Variants in GCNT1 observed in about 807,000 individuals in gnomAD.
GCNT1 encodes the protein glucosaminyl (N-acetyl) transferase 1, also known as beta-1,3-galactosyl-O-glycosyl-glycoprotein beta-1,6-N-acetylglucosaminyltransferase.
A neutral mutation model predicts 26.2 loss-of-function variants in GCNT1; 16 were observed. The observed-to-expected ratio is 0.61, with a 90% CI of 0.41 to 0.93. The LOEUF is 0.93. Among genes scored for constraint, GCNT1 ranks in the 40% least tolerant of loss-of-function variants. The probability of loss-of-function intolerance (pLI) is 0.00; values close to 1 mark genes in which losing one functional copy is unlikely to be tolerated. For synonymous variants in GCNT1, 183 were observed against 190.8 expected, an observed-to-expected ratio of 0.96 and a Z score of 0.34; for missense variants, 477 against 526.7, an observed-to-expected ratio of 0.91 and a Z score of 0.92.
chr9:76,431,424 C>G (rs989173925), intron 1 of GCNT1, among the ~76,000 whole-genome samples: 2 of 152,178 alleles, frequency 1.3e-5, no homozygotes, highest in Non-Finnish European at 2.9e-5. Flanking sequence ...AAGTGCTACA[C>G]TTATGATTAT....
the GCNT1 span, chr9:76,399,327 T>C: frequency 3.1e-5 from 45 of 1,467,886 alleles, no homozygotes; most frequent in Admixed American, 8.4e-5. Context: ...CCTGAAGATA[T>C]TGAAAAAGAA....
intron 2 of GCNT1, among the ~76,000 whole-genome samples, chr9:76,467,162 C>T (rs370870263): frequency 6.6e-6 from 1 of 152,194 alleles, no homozygotes; most frequent in Admixed American, 6.5e-5. Flanking sequence ...CCTGCCTCAG[C>T]CTCCCAAGTA....
At chr9:76,481,373 T>C (rs1052273254) in intron 2 of GCNT1, among the ~76,000 whole-genome samples, 1 of 151,560 alleles carries the variant, frequency 6.6e-6, no homozygotes, top group African/African-American at 2.4e-5. Flanking sequence ...CTGCCTGATA[T>C]ACATTTGTAA....
chr9:76,399,576 ACTGGTCTTAAGCTGTT>A, the GCNT1 span: 2 of 1,303,000 alleles, frequency 1.5e-6, no homozygotes, highest in African/African-American at 2.9e-5. Flanking sequence ...GCAACCACTG[ACTGGTCTTAAGCTGTT>A]CTTGCATAGG....
intron 2 of GCNT1, among the ~76,000 whole-genome samples, chr9:76,484,352 G>A (rs1256571497): frequency 6.7e-6 from 1 of 150,304 alleles, no homozygotes; most frequent in African/African-American, 2.5e-5. Flanking sequence ...ACTGGGTGAT[G>A]GATTGAGACC....
At chr9:76,495,879 T>C (rs938490836) in intron 2 of GCNT1, among the ~76,000 whole-genome samples, 1 of 152,252 alleles carries the variant, frequency 6.6e-6, no homozygotes, top group African/African-American at 2.4e-5. Context: ...CTTTATATCC[T>C]GAGGATGTTA....
chr9:76,394,293 G>C, the GCNT1 span: 1 of 934,122 alleles, frequency 1.1e-6, no homozygotes, highest in Non-Finnish European at 1.5e-6. Context: ...GCCTGCCGCG[G>C]GGGCGCACCA....
chr9:76,474,666 G>A (rs902085863), intron 2 of GCNT1, among the ~76,000 whole-genome samples: 2 of 152,214 alleles, frequency 1.3e-5, no homozygotes, highest in Non-Finnish European at 1.5e-5. Context: ...ATGTGTAAGT[G>A]AAGTTAGATT....
At chr9:76,490,435 T>C (rs911440795) in intron 2 of GCNT1, among the ~76,000 whole-genome samples, 2 of 152,246 alleles carry the variant, frequency 1.3e-5, no homozygotes, top group African/African-American at 4.8e-5. Flanking sequence ...TGGCCATTTC[T>C]AACCCTATAC....
At position 76,503,605 on chromosome 9, in the gene GCNT1, CTT is replaced by C. The variant is rs1219127962; in HGVS notation, c.1226_1227del (p.Phe409CysfsTer7). On this transcript the variant is annotated frameshift_variant, in exon 4 of 4. Coordinates refer to ENST00000376730, the MANE Select transcript of GCNT1 (RefSeq NM_001490.5). LOFTEE classifies it high-confidence loss of function. ...ATAAGTTTGACGTGGATGTTGACCT[CTT>C]TGCCATCCAGTGTTTGGATGAGCAT... is the stretch of plus-strand genomic sequence containing the variant. ...ANKFDVDVDL[F>X]AIQCLDEHLR... 6.2e-7 allele frequency: 1 copy of C among 1,614,134 alleles called. No individual in the cohort carries two copies. Among genetic ancestry groups the C allele is most frequent in the African/African-American group, 1.3e-5 (1 of 75,058 alleles).
At chr9:76,474,668 A>G (rs997737403) in intron 2 of GCNT1, among the ~76,000 whole-genome samples, 5 of 152,336 alleles carry the variant, frequency 3.3e-5, no homozygotes, top group Admixed American at 2.0e-4. Flanking sequence ...GTGTAAGTGA[A>G]GTTAGATTGT....
chr9:76,500,661 A>T (rs1825039456), intron 2 of GCNT1, among the ~76,000 whole-genome samples: 1 of 152,192 alleles, frequency 6.6e-6, no homozygotes, highest in Non-Finnish European at 1.5e-5. Context: ...CATTAAGGGA[A>T]ATGCTGCTAG....
the GCNT1 span, among the ~76,000 whole-genome samples, chr9:76,403,383 T>C: frequency 6.5e-4 from 99 of 152,328 alleles, no homozygotes; most frequent in African/African-American, 2.1e-3. Context: ...ATTGCTTGTA[T>C]TACAGGGGAA....
At chr9:76,477,846 C>G (rs509326) in intron 2 of GCNT1, among the ~76,000 whole-genome samples, 78,684 of 152,036 alleles carry the variant, frequency 0.52, 22,139 homozygotes, top group Non-Finnish European at 0.62. Context: ...GCGCATTTGA[C>G]TACTCTAGGT....
chr9:76,498,170 C>T (rs1308764861), intron 2 of GCNT1, among the ~76,000 whole-genome samples: 2 of 152,156 alleles, frequency 1.3e-5, no homozygotes, highest in African/African-American at 2.4e-5. Context: ...TTATTATACC[C>T]GTATAATATC....
Position 76,504,894 on chromosome 9 carries a change from A to G in GCNT1, c.*1226A>G, listed in dbSNP as rs1825196238. ...GGCCTGTTGGAAGGCCTGGGGAGGG[A>G]ACTTTGGGTTTGGGACAGATTTTTT... On this transcript the variant is annotated 3_prime_UTR_variant, in exon 4 of 4. Transcript: ENST00000376730. The G allele has an allele frequency of 2.4e-6, 1 of 412,942 alleles. No homozygotes were observed. 25.6% of individuals were successfully genotyped at this position (412,942 alleles called of 1,614,324 possible).
At chr9:76,425,820 TAGAG>T (rs1175089687) in intron 1 of GCNT1, among the ~76,000 whole-genome samples, 1 of 152,090 alleles carries the variant, frequency 6.6e-6, no homozygotes, top group Non-Finnish European at 1.5e-5. Context: ...GATTAAATCA[TAGAG>T]AGTCGAAGCT....
intron 2 of GCNT1, among the ~76,000 whole-genome samples, chr9:76,498,795 A>G (rs868830111): frequency 2.6e-5 from 4 of 151,858 alleles, no homozygotes; most frequent in Admixed American, 6.6e-5. Context: ...AAAAAAGAAA[A>G]AAAGTGTATA....
At chr9:76,491,959 A>G (rs1587451188) in intron 2 of GCNT1, among the ~76,000 whole-genome samples, 1 of 152,256 alleles carries the variant, frequency 6.6e-6, no homozygotes, top group South Asian at 2.1e-4. Flanking sequence ...CTTTCCTTGT[A>G]TTATTTTGAT....
Sources: gnomAD v4.1 joint callset for allele counts (sites outside exome capture counted in the v4.1 genomes callset) on GRCh38, gnomAD v4.1.1 for gene constraint, MANE v1.5 for transcripts, NCBI Gene and HGNC (gene_info 2026-07-23, HGNC 2026-07-21) for gene names.